TRERF1: variants seen among roughly 807,000 people sequenced by gnomAD.
The protein encoded by TRERF1 is transcriptional regulating factor 1, also known as transcriptional-regulating factor 1.
TRERF1 carries 27 observed loss-of-function variants against 122.9 expected under a neutral mutation model. That is an observed-to-expected ratio of 0.22 (90% CI 0.16 to 0.30). The LOEUF (loss-of-function observed/expected upper bound fraction) is 0.30, where lower values mean the gene tolerates loss of function less well. TRERF1 is among the 10% of genes least tolerant of loss of function. TRERF1 has a pLI of 1.00. For missense variants in TRERF1, 1,248 were observed against 1,560.3 expected, an observed-to-expected ratio of 0.80 and a Z score of 3.37; for synonymous variants, 636 against 641.7, an observed-to-expected ratio of 0.99 and a Z score of 0.13.
At chr6:42,294,103 T>C (rs1582869035) in intron 4 of TRERF1, among the ~76,000 whole-genome samples, 1 of 151,948 alleles carries the variant, frequency 6.6e-6, no homozygotes, top group African/African-American at 2.4e-5. Context: ...AGTTCTGCCA[T>C]CTTTTGGAAA....
In TRERF1 at chr6:42,301,210, G is replaced by GTTGTT. The variant is rs113733458; in HGVS notation, c.-370-466_-370-462dup. Among the ~76,000 whole-genome samples the GTTGTT allele has an allele frequency of 2.8e-3, 432 of 151,902 alleles. 1 individual carries two copies. The highest frequency in any genetic ancestry group is 4.8e-3 in the South Asian group (23 of 4,808). ...TCAAGTTATTTGTCATGAAGAACCA[G>GTTGTT]TTGTTTTGTTTTGTTTTGTTTTGTT... On this transcript the variant is annotated intron_variant, in intron 3 of 17. Coordinates refer to ENST00000372922, the Ensembl canonical transcript of TRERF1.
chr6:42,301,752 G>A (rs541543680), intron 3 of TRERF1, among the ~76,000 whole-genome samples: 1 of 152,350 alleles, frequency 6.6e-6, no homozygotes, highest in East Asian at 1.9e-4. Context: ...TAAAGAGTTT[G>A]CAGAGAGCAC....
At chr6:42,314,943 T>C (rs1319902439) in intron 3 of TRERF1, among the ~76,000 whole-genome samples, 5 of 152,160 alleles carry the variant, frequency 3.3e-5, no homozygotes, top group Non-Finnish European at 7.3e-5. Flanking sequence ...CATAGGGTGC[T>C]TAGGAAAGGC....
rs187209544 is a variant in TRERF1 at position 42,368,494 on chromosome 6, A to C, written c.-453-5415T>G. 1.1e-4 allele frequency among the ~76,000 whole-genome samples: 16 copies of C among 152,274 alleles called. No individual in the cohort carries two copies. In the East Asian group the frequency reaches 3.1e-3, roughly 29 times the overall value. ...TAAAACAGCAAGCACCAAGACTCTA[A>C]ACACCTCCCACTCCATGTAGAATTT... On this transcript the variant is annotated intron_variant, in intron 2 of 17. Coordinates refer to ENST00000372922, the Ensembl canonical transcript of TRERF1.
rs922731488 is a variant in TRERF1 at position 42,383,553 on chromosome 6, G to A, written c.-453-20474C>T. On this transcript the variant is annotated intron_variant, in intron 2 of 17. Coordinates refer to ENST00000372922, the Ensembl canonical transcript of TRERF1. ...TATGAGTCAGACTGTTCCCCGCTCC[G>A]ACGAGCATTGTAGGGGTGAGGACCA... Among the ~76,000 whole-genome samples the A allele has an allele frequency of 4.6e-5, 7 of 152,032 alleles. No individual in the cohort carries two copies. In the East Asian group the frequency reaches 5.8e-4, roughly 13 times the overall value.
Position 42,258,164 on chromosome 6 carries a change from C to A in TRERF1, c.2307G>T (p.Gly769=), listed in dbSNP as rs202021175. ...CAACATCTACAGTCTGCTCTCCAGG[C>A]CCTGGGGTGACCGTCACGTTGCTGC... Residue 769 remains glycine (G), a synonymous_variant, in exon 10 of 18, where the codon GGG becomes GGT. Coordinates refer to ENST00000372922, the Ensembl canonical transcript of TRERF1. 3,130 of 1,614,194 alleles carry A rather than the reference C, an allele frequency of 1.9e-3. 66 individuals carry two copies. The South Asian group carries it at 0.032, about 16-fold the overall frequency.
At chr6:42,385,702 T>C (rs1776685654) in intron 2 of TRERF1, among the ~76,000 whole-genome samples, 1 of 152,184 alleles carries the variant, frequency 6.6e-6, no homozygotes, top group African/African-American at 2.4e-5. Context: ...GACATCACTT[T>C]TAAACCTACC....
Position 42,228,349 on chromosome 6 carries a change from A to C in TRERF1, c.3599T>G (p.Leu1200Arg). The change falls in exon 18 of 18, where the codon CTA becomes CGA. Residue 1200 changes from leucine to arginine, a missense_variant. Physicochemically the swap from Leu to Arg is moderately radical, Grantham distance 102 (BLOSUM62 -2). Coordinates refer to ENST00000372922, the Ensembl canonical transcript of TRERF1. The surrounding 1 kb of genome is among the most constrained non-coding windows in gnomAD (Gnocchi z 4.2). ...CTCTAAGTGACACACAGGGCTTTAT[A>C]GTTCTGCGTCACCCTGAAGCAAGAC... The C allele has an allele frequency of 1.2e-6, 2 of 1,609,962 alleles. No individual in the cohort carries two copies. The highest frequency in any genetic ancestry group is 1.7e-6 in the Non-Finnish European group (2 of 1,177,354).
chr6:42,283,422 GA>G (rs1782632821), intron 4 of TRERF1, among the ~76,000 whole-genome samples: 1 of 152,076 alleles, frequency 6.6e-6, no homozygotes, highest in Non-Finnish European at 1.5e-5. Flanking sequence ...TATTCATAAA[GA>G]AAATCTGGAA....
At chr6:42,373,503 TA>T (rs1409081348) in intron 2 of TRERF1, among the ~76,000 whole-genome samples, 20 of 151,822 alleles carry the variant, frequency 1.3e-4, no homozygotes, top group African/African-American at 4.8e-4. Flanking sequence ...CCGTCTCTAT[TA>T]AAAATACAAA....
intron 2 of TRERF1, among the ~76,000 whole-genome samples, chr6:42,428,973 CCTCTCGCAGCAGGCTGAG>C (rs1472880013): frequency 1.3e-5 from 2 of 152,160 alleles, no homozygotes; most frequent in African/African-American, 4.8e-5. Context: ...TGGCACTGTC[CCTCTCGCAGCAGGCTGAG>C]CTGTGGTTGG....
intron 13 of TRERF1, 22 bp downstream of exon 13, chr6:42,254,829 C>T (rs751360913): frequency 6.2e-7 from 1 of 1,613,224 alleles, no homozygotes; most frequent in South Asian, 1.1e-5. Context: ...GGCAACAGGA[C>T]ACAGGGCTCC....
exon 3 of TRERF1, chr6:42,363,075 A>G (rs11970679): frequency 0.094 from 14,335 of 153,214 alleles, 1,015 homozygotes; most frequent in African/African-American, 0.2. Flanking sequence ...CTCCACAGCC[A>G]GGGCCTGCAG....
intron 2 of TRERF1, among the ~76,000 whole-genome samples, chr6:42,441,489 C>CATTTGCATTTGCATTTGCAGCT: frequency 6.6e-6 from 1 of 152,102 alleles, no homozygotes; most frequent in Non-Finnish European, 1.5e-5. Context: ...CATTTGCATT[C>CATTTGCATTTGCATTTGCAGCT]GAGAGCTCAG....
chr6:42,315,417 C>T (rs193034533), intron 3 of TRERF1, among the ~76,000 whole-genome samples: 1 of 152,300 alleles, frequency 6.6e-6, no homozygotes, highest in East Asian at 1.9e-4. Context: ...TCTAATGCCT[C>T]GTGCCTGCTG....
chr6:42,445,123 G>T (rs1787236715), intron 2 of TRERF1, among the ~76,000 whole-genome samples: 1 of 152,028 alleles, frequency 6.6e-6, no homozygotes, highest in Non-Finnish European at 1.5e-5. Flanking sequence ...ATAAAAACCA[G>T]CCAGGCGTGG....
chr6:42,451,738 C>T (rs1362029094), intron 1 of TRERF1, among the ~76,000 whole-genome samples: 2 of 151,982 alleles, frequency 1.3e-5, no homozygotes, highest in African/African-American at 2.4e-5. Context: ...CGCCCGCCAG[C>T]CCCCTTTCCC....
At chr6:42,231,324 T>G (rs954770023) in intron 17 of TRERF1, among the ~76,000 whole-genome samples, 3 of 152,228 alleles carry the variant, frequency 2.0e-5, no homozygotes, top group African/African-American at 7.2e-5. Flanking sequence ...AAATTTATTT[T>G]CTTTATAAAT....
In TRERF1 at chr6:42,375,323, G is replaced by A. The variant is rs527814953; in HGVS notation, c.-453-12244C>T. On this transcript the variant is annotated intron_variant, in intron 2 of 17. Transcript: ENST00000372922. ...AATTGGATACTCCATGAAAGCCACC[G>A]CTCTGTGGAGCAGCTCCGGAGCCAC... Among the ~76,000 whole-genome samples, 9 of 152,312 alleles carry A rather than the reference G, an allele frequency of 5.9e-5. No homozygotes were observed. In the East Asian group the frequency reaches 7.7e-4, roughly 13 times the overall value.
Sources: gnomAD v4.1 joint callset for allele counts (sites outside exome capture counted in the v4.1 genomes callset) on GRCh38, gnomAD v4.1.1 for gene constraint, Gnocchi (gnomAD v3.1) non-coding constraint, MANE v1.5 for transcripts, NCBI Gene and HGNC (gene_info 2026-07-23, HGNC 2026-07-21) for gene names.